The following CDYL variants were observed in gnomAD, a reference collection of about 807,000 sequenced individuals.
CDYL encodes the protein chromodomain Y like, also known as chromodomain Y-like protein.
In CDYL, 8 loss-of-function variants were observed where a neutral mutation model predicts 47.3. The observed-to-expected ratio is 0.17, with a 90% CI of 0.10 to 0.31. CDYL has a LOEUF of 0.31. Among genes scored for constraint, CDYL ranks in the 10% least tolerant of loss-of-function variants. The probability of loss-of-function intolerance (pLI) is 1.00; values close to 1 mark genes in which losing one functional copy is unlikely to be tolerated. For missense variants in CDYL, 471 were observed against 701.4 expected (o/e 0.67, Z 3.71); for synonymous variants, 266 against 265.0 (o/e 1.00, Z -0.04).
chr6:4,938,026 G>A (rs1338663339), intron 4 of CDYL, among the ~76,000 whole-genome samples: 1 of 152,210 alleles, frequency 6.6e-6, no homozygotes, highest in Non-Finnish European at 1.5e-5. Flanking sequence ...TTCGGAGAAT[G>A]TTCTGATGAT....
intron 1 of CDYL, among the ~76,000 whole-genome samples, chr6:4,707,093 T>C (rs1053608624): frequency 2.6e-5 from 4 of 152,088 alleles, no homozygotes; most frequent in Non-Finnish European, 5.9e-5. Flanking sequence ...ATGCATTCCA[T>C]GAAGTCAAAT....
chr6:4,793,250 T>C (rs370524152), intron 1 of CDYL, among the ~76,000 whole-genome samples: 14 of 152,206 alleles, frequency 9.2e-5, no homozygotes, highest in East Asian at 3.9e-4. Context: ...ACTGGAGATA[T>C]AGCAGCGGGC....
intron 4 of CDYL, among the ~76,000 whole-genome samples, chr6:4,940,765 C>T (rs1287547011): frequency 1.3e-5 from 2 of 152,214 alleles, no homozygotes; most frequent in Non-Finnish European, 2.9e-5. Context: ...AGAGGGAGAC[C>T]GGGGGCCCTG....
intron 1 of CDYL, among the ~76,000 whole-genome samples, chr6:4,708,652 C>A (rs1399552241): frequency 6.6e-6 from 1 of 152,132 alleles, no homozygotes; most frequent in African/African-American, 2.4e-5. Context: ...ATATAACTTA[C>A]ATGAATAAAG....
intron 1 of CDYL, among the ~76,000 whole-genome samples, chr6:4,890,553 T>C (rs1012189998): frequency 6.6e-5 from 10 of 152,250 alleles, no homozygotes; most frequent in African/African-American, 2.2e-4. Flanking sequence ...CAAGTAGATA[T>C]ACTGGAGAGT....
At chr6:4,881,025 T>C (rs1029855580) in intron 1 of CDYL, among the ~76,000 whole-genome samples, 6 of 152,224 alleles carry the variant, frequency 3.9e-5, no homozygotes, top group Admixed American at 6.5e-5. Context: ...TACCATTCTT[T>C]TATTTCTGAC....
intron 2 of CDYL, among the ~76,000 whole-genome samples, chr6:4,725,147 T>C (rs910745121): frequency 3.9e-5 from 6 of 152,222 alleles, no homozygotes; most frequent in African/African-American, 1.4e-4. Flanking sequence ...GTCTAGCTGA[T>C]TGGTGTGTTT....
intron 1 of CDYL, among the ~76,000 whole-genome samples, chr6:4,865,413 C>T (rs1376920996): frequency 1.3e-5 from 2 of 152,232 alleles, no homozygotes; most frequent in East Asian, 3.8e-4. Context: ...ATAAGAACCC[C>T]TTCCCCTCCC....
chr6:4,843,164 G>A (rs1760552842), intron 1 of CDYL, among the ~76,000 whole-genome samples: 1 of 152,132 alleles, frequency 6.6e-6, no homozygotes, highest in Non-Finnish European at 1.5e-5. Context: ...CTAGCTTGTA[G>A]GGTTTCTGCT....
intron 2 of CDYL, among the ~76,000 whole-genome samples, chr6:4,721,556 GTAT>G (rs776099542): frequency 3.9e-5 from 6 of 152,074 alleles, no homozygotes; most frequent in Non-Finnish European, 8.8e-5. Context: ...GATAATTTTT[GTAT>G]TTTTAGCAGA....
chr6:4,828,117 T>C (rs1039584129), intron 1 of CDYL, among the ~76,000 whole-genome samples: 1 of 152,240 alleles, frequency 6.6e-6, no homozygotes, highest in African/African-American at 2.4e-5. Context: ...CTTGAAGCAT[T>C]TCTTTCAGGG....
chr6:4,942,105 T>A (rs1238482104), intron 4 of CDYL, among the ~76,000 whole-genome samples: 1 of 152,216 alleles, frequency 6.6e-6, no homozygotes, highest in Non-Finnish European at 1.5e-5. Context: ...GACACTCTGA[T>A]CATTAAACCC....
chr6:4,844,758 A>G (rs1480274324), intron 1 of CDYL, among the ~76,000 whole-genome samples: 2 of 152,010 alleles, frequency 1.3e-5, no homozygotes, highest in South Asian at 2.1e-4. Context: ...TGCTGAGGTA[A>G]GGTAGCTTAT....
chr6:4,898,604 C>T (rs1464827756), intron 2 of CDYL, among the ~76,000 whole-genome samples: 2 of 152,118 alleles, frequency 1.3e-5, no homozygotes, highest in Non-Finnish European at 2.9e-5. Context: ...AATAGGTATC[C>T]TCAGGCAGAA....
At chr6:4,806,452 T>C (rs1156790049) in intron 1 of CDYL, among the ~76,000 whole-genome samples, 1 of 152,200 alleles carries the variant, frequency 6.6e-6, no homozygotes, top group African/African-American at 2.4e-5. Context: ...TTTGCAGTAG[T>C]TTTAGAGTTT....
chr6:4,863,965 C>T (rs908390822), intron 1 of CDYL, among the ~76,000 whole-genome samples: 5 of 152,064 alleles, frequency 3.3e-5, no homozygotes, highest in African/African-American at 1.2e-4. Context: ...GAATTGAGAC[C>T]TAGATATATT....
At chr6:4,857,565 A>G (rs2127466804) in intron 1 of CDYL, among the ~76,000 whole-genome samples, 1 of 152,316 alleles carries the variant, frequency 6.6e-6, no homozygotes, top group East Asian at 1.9e-4. Context: ...AAGTCCCTTC[A>G]GAACAGGTAG....
At chr6:4,783,563 T>G (rs930170468) in intron 1 of CDYL, among the ~76,000 whole-genome samples, 13 of 152,154 alleles carry the variant, frequency 8.5e-5, no homozygotes, top group African/African-American at 3.1e-4. Flanking sequence ...ATTATGGGCA[T>G]GCACCACCAT....
chr6:4,773,957 A>G (rs192930578), upstream of CDYL, among the ~76,000 whole-genome samples: 3 of 152,258 alleles, frequency 2.0e-5, no homozygotes, highest in African/African-American at 4.8e-5. The surrounding 1 kb of genome is among the most constrained non-coding windows in gnomAD (Gnocchi z 4.6). Context: ...AATGGGGAAA[A>G]TCGCCTTACT....
Sources: gnomAD v4.1 joint callset for allele counts (sites outside exome capture counted in the v4.1 genomes callset) on GRCh38, gnomAD v4.1.1 for gene constraint, Gnocchi (gnomAD v3.1) non-coding constraint, MANE v1.5 for transcripts, NCBI Gene and HGNC (gene_info 2026-07-23, HGNC 2026-07-21) for gene names.